SLC28A3: variants seen among roughly 807,000 people sequenced by gnomAD.
The protein encoded by SLC28A3 is solute carrier family 28 member 3, also known as concentrative Na(+)-nucleoside cotransporter 3.
A neutral mutation model predicts 84.2 loss-of-function variants in SLC28A3; 68 were observed. The observed-to-expected ratio is 0.81, with a 90% confidence interval of 0.66 to 0.99. SLC28A3 has a LOEUF of 0.99. Among genes scored for constraint, SLC28A3 ranks in the 50% least tolerant of loss-of-function variants. The pLI, the probability that SLC28A3 is intolerant of heterozygous loss-of-function variation, is 0.00. For synonymous variants in SLC28A3, 267 were observed against 303.6 expected, an observed-to-expected ratio of 0.88 and a Z score of 1.25; for missense variants, 712 against 841.5, an observed-to-expected ratio of 0.85 and a Z score of 1.90.
intron 1 of SLC28A3, among the ~76,000 whole-genome samples, chr9:84,322,340 G>A (rs955969241): frequency 3.9e-5 from 6 of 152,184 alleles, no homozygotes; most frequent in African/African-American, 1.4e-4. Context: ...TAGCCCCTAA[G>A]CTAATTCAAA....
intron 2 of SLC28A3, among the ~76,000 whole-genome samples, 162 bp downstream of exon 2, chr9:84,313,197 T>C (rs1826048755): frequency 6.6e-6 from 1 of 152,192 alleles, no homozygotes; most frequent in Admixed American, 6.5e-5. Context: ...TTTGGGCGTG[T>C]GTGTTTTCTT....
the SLC28A3 span, among the ~76,000 whole-genome samples, chr9:84,351,445 G>A: frequency 6.6e-6 from 1 of 152,232 alleles, no homozygotes; most frequent in African/African-American, 2.4e-5. Flanking sequence ...GATTGCTTGA[G>A]CCCAGGAGTC....
intron 13 of SLC28A3, 140 bp downstream of exon 13, chr9:84,285,803 G>A (rs1046042356): frequency 1.9e-6 from 2 of 1,033,846 alleles, no homozygotes; most frequent in Non-Finnish European, 2.8e-6. Context: ...AGGTGGGTGG[G>A]AAGTTGGGGG....
chr9:84,310,010 T>A (rs139910441), intron 2 of SLC28A3, among the ~76,000 whole-genome samples: 1 of 152,298 alleles, frequency 6.6e-6, no homozygotes, highest in African/African-American at 2.4e-5. Flanking sequence ...CCTGTCTCTC[T>A]TGTAATCAAC....
intron 1 of SLC28A3, among the ~76,000 whole-genome samples, chr9:84,331,516 ACT>A (rs1033355865): frequency 1.8e-4 from 28 of 152,052 alleles, no homozygotes; most frequent in African/African-American, 6.5e-4. Flanking sequence ...CATTTAACAA[ACT>A]CTCCAAACCT....
intron 4 of SLC28A3, among the ~76,000 whole-genome samples, chr9:84,303,865 TCTC>T (rs1479502569): frequency 6.6e-6 from 1 of 152,208 alleles, no homozygotes; most frequent in Non-Finnish European, 1.5e-5. Context: ...TGTGCATGTG[TCTC>T]CTTTCATAAA....
intron 1 of SLC28A3, among the ~76,000 whole-genome samples, chr9:84,316,430 C>T (rs955934421): frequency 6.6e-6 from 1 of 152,190 alleles, no homozygotes; most frequent in African/African-American, 2.4e-5. Flanking sequence ...GGATGGCTGG[C>T]AGGTGCACTT....
chr9:84,345,704 T>C (rs1827238709), upstream of SLC28A3, among the ~76,000 whole-genome samples: 1 of 152,184 alleles, frequency 6.6e-6, no homozygotes, highest in South Asian at 2.1e-4. Context: ...AATTGACACC[T>C]AATTAGAGTA....
intron 11 of SLC28A3, among the ~76,000 whole-genome samples, chr9:84,289,707 C>T (rs992880089): frequency 5.3e-5 from 8 of 152,332 alleles, no homozygotes; most frequent in African/African-American, 9.6e-5. Flanking sequence ...TGGATCACAA[C>T]GACTCAACTC....
chr9:84,351,903 T>C, the SLC28A3 span, among the ~76,000 whole-genome samples: 1 of 149,614 alleles, frequency 6.7e-6, no homozygotes, highest in Non-Finnish European at 1.5e-5. Flanking sequence ...AACATGTAAA[T>C]GTATATGAGT....
At chr9:84,300,168 C>G (rs892120900) in intron 5 of SLC28A3, among the ~76,000 whole-genome samples, 1 of 152,200 alleles carries the variant, frequency 6.6e-6, no homozygotes, top group Non-Finnish European at 1.5e-5. Flanking sequence ...CGTTTAGAAA[C>G]TGCAACAGAT....
At chr9:84,299,475 G>A (rs1308180712) in intron 6 of SLC28A3, 106 bp downstream of exon 6, 12 of 1,441,502 alleles carry the variant, frequency 8.3e-6, no homozygotes, top group Non-Finnish European at 1.1e-5. Context: ...ATCAAGGTAA[G>A]AAAAGTACTG....
At chr9:84,345,262 G>A (rs112880202), upstream of SLC28A3, among the ~76,000 whole-genome samples, 450 of 151,472 alleles carry the variant, frequency 3.0e-3, 4 homozygotes, top group African/African-American at 0.01. Flanking sequence ...CCAAGTGGAA[G>A]TGAGCAAGAG....
At chr9:84,301,428 C>A (rs1825635168) in intron 5 of SLC28A3, among the ~76,000 whole-genome samples, 1 of 148,512 alleles carries the variant, frequency 6.7e-6, no homozygotes, top group African/African-American at 2.5e-5. Context: ...GGGTCATGGG[C>A]TTTTGGCAGT....
At chr9:84,340,295 T>A (rs1163174536) in intron 1 of SLC28A3, among the ~76,000 whole-genome samples, 2 of 152,070 alleles carry the variant, frequency 1.3e-5, no homozygotes, top group Non-Finnish European at 2.9e-5. Flanking sequence ...AGATAAATAA[T>A]GGACCCCTGC....
chr9:84,328,834 G>A (rs957229593), intron 1 of SLC28A3, among the ~76,000 whole-genome samples: 9 of 152,076 alleles, frequency 5.9e-5, no homozygotes, highest in African/African-American at 2.2e-4. Flanking sequence ...AGGCTGAGGT[G>A]AGAGGATTGC....
intron 5 of SLC28A3, among the ~76,000 whole-genome samples, chr9:84,301,265 A>G (rs553763822): frequency 1.4e-5 from 2 of 145,596 alleles, no homozygotes; most frequent in African/African-American, 5.1e-5. Context: ...CACGAGAATC[A>G]TTTGAACCCA....
At position 84,280,808 on chromosome 9, in the gene SLC28A3, G is replaced by T. The variant is rs1354980385; in HGVS notation, c.1722C>A (p.Gly574=). The change falls in exon 15 of 18, where the codon GGC becomes GGA. Residue 574 remains glycine (G), a synonymous_variant. Coordinates refer to ENST00000376238, the MANE Select transcript of SLC28A3 (RefSeq NM_001199633.2). ...ANIGSLGIVI[G]GLTSMAPSRK... Reference sequence around the variant, plus strand: ...AATGTTCTTTTCACTTACTGAGTCCGCCGATCACGATTCCTAGGGACCCGA... The same window carrying T: ...AATGTTCTTTTCACTTACTGAGTCCTCCGATCACGATTCCTAGGGACCCGA... 2.5e-6 allele frequency: 4 copies of T among 1,613,774 alleles called. No homozygotes were observed. Among genetic ancestry groups the T allele is most frequent in the Middle Eastern group, 1.6e-4 (1 of 6,084 alleles).
chr9:84,356,313 GA>G, the SLC28A3 span, among the ~76,000 whole-genome samples: 1 of 152,100 alleles, frequency 6.6e-6, no homozygotes, highest in Non-Finnish European at 1.5e-5. Context: ...AAGGCCTGAG[GA>G]GGTCAGTTAA....
Sources: allele counts gnomAD v4.1 joint callset (sites outside exome capture counted in the v4.1 genomes callset), GRCh38; gene constraint gnomAD v4.1.1; transcripts MANE v1.5; gene names NCBI Gene and HGNC (gene_info 2026-07-23, HGNC 2026-07-21).